FBXO33: variants seen among roughly 807,000 people sequenced by gnomAD.
FBXO33 encodes the protein F-box only protein 33.
Under a neutral mutation model 46.3 loss-of-function variants are expected in FBXO33, and 22 were observed. The observed-to-expected ratio is 0.48, with a 90% confidence interval of 0.34 to 0.68. The LOEUF (loss-of-function observed/expected upper bound fraction) is 0.68. Ranked by LOEUF, FBXO33 falls within the 30% of genes least tolerant of loss-of-function variation. The pLI, the probability that FBXO33 is intolerant of heterozygous loss-of-function variation, is 0.01. For synonymous variants in FBXO33, 337 were observed against 291.3 expected (o/e 1.16, Z -1.60); for missense variants, 692 against 708.8 (o/e 0.98, Z 0.27).
rs182857138 is a variant in FBXO33, at chr14:39,402,843, C to T, written c.600-332G>A. 1.5e-3 allele frequency among the ~76,000 whole-genome samples: 222 copies of T among 152,012 alleles called. 1 individual carries two copies. Among genetic ancestry groups the T allele is most frequent in the African/African-American group, 5.0e-3 (207 of 41,454 alleles). On this transcript the variant is annotated intron_variant, in intron 1 of 3. Transcript: ENST00000298097. ...GACTACAGGCGCCCGCCACCATGCC[C>T]GGCTAATTTTTTTGTATTTTTAGTA...
rs1346361363 is a variant in FBXO33 at position 39,431,848 on chromosome 14, C to T, written c.315G>A (p.Pro105=). The T allele has an allele frequency of 3.1e-6, 5 of 1,598,982 alleles. No individual in the cohort carries two copies. The highest frequency in any genetic ancestry group is 4.3e-6 in the Non-Finnish European group (5 of 1,176,196). The change falls in exon 1 of 4, where the codon CCG becomes CCA. Residue 105 remains proline, a synonymous_variant. Coordinates refer to ENST00000298097, the MANE Select transcript of FBXO33 (RefSeq NM_203301.4). ...AGATGCGGAGCTGGGGCCACAGGGC[C>T]GGATAGAAGAGGCACTCACGCCAGT... is the stretch of plus-strand genomic sequence containing the variant. ...CSHWRECLFY[P]ALWPQLRICL...
At position 39,432,316 on chromosome 14, in the gene FBXO33, G is replaced by T; in HGVS notation, c.-154C>A. On this transcript the variant is annotated 5_prime_UTR_variant, in exon 1 of 4. Coordinates refer to ENST00000298097, the MANE Select transcript of FBXO33 (RefSeq NM_203301.4). ...CTCTACTCACGTGCGTCCGAGGCCGGCACACTGAGTAACTGCACTGCCCTC... is the reference window on the plus strand; with the variant it reads ...CTCTACTCACGTGCGTCCGAGGCCGTCACACTGAGTAACTGCACTGCCCTC... 1 of 513,528 alleles carries T rather than the reference G, an allele frequency of 1.9e-6. No individual in the cohort carries two copies. Among genetic ancestry groups the T allele is most frequent in the Non-Finnish European group, 2.8e-6 (1 of 351,420 alleles). 31.8% of individuals were successfully genotyped at this position (513,528 alleles called of 1,614,324 possible).
intron 1 of FBXO33, among the ~76,000 whole-genome samples, chr14:39,412,165 CTTATT>C (rs2075426440): frequency 2.6e-5 from 4 of 152,180 alleles, no homozygotes; most frequent in African/African-American, 4.8e-5. Flanking sequence ...GTCTTGATGT[CTTATT>C]TTATTATTGT....
At chr14:39,414,108 C>T (rs2075436408) in intron 1 of FBXO33, among the ~76,000 whole-genome samples, 1 of 152,236 alleles carries the variant, frequency 6.6e-6, no homozygotes, top group African/African-American at 2.4e-5. Context: ...TTTGTCTACA[C>T]TGAAAAATCT....
intron 1 of FBXO33, among the ~76,000 whole-genome samples, chr14:39,424,430 T>C (rs1442092561): frequency 6.6e-6 from 1 of 152,210 alleles, no homozygotes; most frequent in Non-Finnish European, 1.5e-5. Context: ...TATTGCTATA[T>C]CTCCAAATAC....
chr14:39,423,727 G>C (rs1274359031), intron 1 of FBXO33, among the ~76,000 whole-genome samples: 1 of 152,118 alleles, frequency 6.6e-6, no homozygotes, highest in Non-Finnish European at 1.5e-5. Flanking sequence ...TCAGGATAAT[G>C]GTTACCTTTG....
At chr14:39,418,074 A>T (rs545006814) in intron 1 of FBXO33, among the ~76,000 whole-genome samples, 3 of 150,566 alleles carry the variant, frequency 2.0e-5, no homozygotes, top group East Asian at 2.0e-4. Context: ...TATTATTATT[A>T]TTTTTTTGAG....
chr14:39,408,789 T>C (rs537637528), intron 1 of FBXO33, among the ~76,000 whole-genome samples: 4 of 152,000 alleles, frequency 2.6e-5, no homozygotes, highest in Non-Finnish European at 2.9e-5. Flanking sequence ...TCACATTTTT[T>C]TTCTTTTAGA....
At chr14:39,417,360 C>G (rs963200376) in intron 1 of FBXO33, among the ~76,000 whole-genome samples, 1 of 152,192 alleles carries the variant, frequency 6.6e-6, no homozygotes, top group African/African-American at 2.4e-5. Flanking sequence ...TGGGAGAAGT[C>G]ATGGGTGATT....
Position 39,432,304 on chromosome 14 carries a change from CG to C in FBXO33, c.-143del, listed in dbSNP as rs1485791277. ...TGTCTTCTCAAACTCTACTCACGTG[CG>C]TCCGAGGCCGGCACACTGAGTAACT... On this transcript the variant is annotated 5_prime_UTR_variant, in exon 1 of 4. Coordinates refer to ENST00000298097, the MANE Select transcript of FBXO33 (RefSeq NM_203301.4). 1.6e-6 allele frequency: 1 copy of C among 619,252 alleles called. No homozygotes were observed. The highest frequency in any genetic ancestry group is 2.0e-5 in the African/African-American group (1 of 51,262). 38.4% of individuals were successfully genotyped at this position (619,252 alleles called of 1,614,324 possible). A position where few individuals can be genotyped will look rare whatever the true frequency, so the allele number is the denominator to read the frequency against.
At chr14:39,403,341 T>C (rs544733556) in intron 1 of FBXO33, among the ~76,000 whole-genome samples, 32 of 152,286 alleles carry the variant, frequency 2.1e-4, no homozygotes, top group African/African-American at 7.5e-4. Flanking sequence ...ACACCTGTGG[T>C]CCTGGCACTT....
intron 1 of FBXO33, 137 bp downstream of exon 1, chr14:39,431,424 GTTA>G (rs1398166401): frequency 4.8e-6 from 7 of 1,457,502 alleles, no homozygotes; most frequent in South Asian, 2.5e-5. Context: ...AAACCGCCTA[GTTA>G]GAACCAACAC....
chr14:39,399,344 A>C lies in FBXO33; in HGVS notation c.*172T>G. On this transcript the variant is annotated 3_prime_UTR_variant, in exon 4 of 4. Transcript: ENST00000298097. Reference sequence around the variant, plus strand: ...TATACATTGTCACTTTGAACTTCTAAACCAATACCCGACTACGTTCTTTGA... The same window carrying C: ...TATACATTGTCACTTTGAACTTCTACACCAATACCCGACTACGTTCTTTGA... 1.7e-6 allele frequency: 1 copy of C among 581,632 alleles called. No individual in the cohort carries two copies. Among genetic ancestry groups the C allele is most frequent in the Non-Finnish European group, 2.8e-6 (1 of 353,234 alleles). The allele number at this position is 581,632 out of a possible 1,614,324, so 36.0% of individuals were successfully genotyped here.
rs970629004 is a variant in FBXO33, at chr14:39,418,800, A to C, written c.599+12764T>G. Among the ~76,000 whole-genome samples the C allele has an allele frequency of 9.4e-5, 14 of 148,302 alleles. 1 individual carries two copies. Among genetic ancestry groups the C allele is most frequent in the South Asian group, 6.4e-4 (3 of 4,708 alleles). On this transcript the variant is annotated intron_variant, in intron 1 of 3. Coordinates refer to ENST00000298097, the MANE Select transcript of FBXO33 (RefSeq NM_203301.4). ...AAAAAAAAAAAAAAACAAAAAAAAA[A>C]CAAACTGCATCACAGTAAAACTTAA...
At chr14:39,412,131 G>T (rs1377297057) in intron 1 of FBXO33, among the ~76,000 whole-genome samples, 6 of 152,148 alleles carry the variant, frequency 3.9e-5, no homozygotes, top group Admixed American at 3.9e-4. Context: ...CTGTCCAGAT[G>T]ATTTATCCAT....
In FBXO33 at chr14:39,409,856, A is replaced by C. The variant is rs536272655; in HGVS notation, c.600-7345T>G. 3.3e-5 allele frequency among the ~76,000 whole-genome samples: 5 copies of C among 152,262 alleles called. No individual in the cohort carries two copies. The East Asian group carries it at 9.6e-4, about 29-fold the overall frequency. ...ATGGGATTTTCTTAATTTCCCGTTG[A>C]ATATATAGAACTGCAACTGATTTTT... On this transcript the variant is annotated intron_variant, in intron 1 of 3. Coordinates refer to ENST00000298097, the MANE Select transcript of FBXO33 (RefSeq NM_203301.4).
At chr14:39,431,473 C>T (rs745558422) in intron 1 of FBXO33, 91 bp downstream of exon 1, 52 of 1,576,102 alleles carry the variant, frequency 3.3e-5, no homozygotes, top group Non-Finnish European at 4.3e-5. Flanking sequence ...TGAAGTTGGC[C>T]GGGCACGTAT....
chr14:39,412,014 G>C (rs1313662127), intron 1 of FBXO33, among the ~76,000 whole-genome samples: 1 of 152,168 alleles, frequency 6.6e-6, no homozygotes, highest in South Asian at 2.1e-4. Context: ...ATGTGTGCTT[G>C]AGAAGAATGT....
At chr14:39,403,169 G>T (rs866798370) in intron 1 of FBXO33, among the ~76,000 whole-genome samples, 29 of 152,164 alleles carry the variant, frequency 1.9e-4, no homozygotes, top group African/African-American at 5.3e-4. Context: ...TAGTCAACAT[G>T]TTAAATGCTC....
Sources: allele counts gnomAD v4.1 joint callset (sites outside exome capture counted in the v4.1 genomes callset), GRCh38; gene constraint gnomAD v4.1.1; transcripts MANE v1.5; gene names NCBI Gene and HGNC (gene_info 2026-07-23, HGNC 2026-07-21).